Variants in SLC35F4 observed in about 807,000 individuals in gnomAD.
The protein encoded by SLC35F4 is solute carrier family 35 member F4, also known as chromosome 14 open reading frame 36.
In SLC35F4, 24 loss-of-function variants were observed where a neutral mutation model predicts 44.2. The observed-to-expected ratio is 0.54, with a 90% CI of 0.39 to 0.76. The LOEUF (loss-of-function observed/expected upper bound fraction) is 0.76, where lower values mean the gene tolerates loss of function less well. Ranked by LOEUF, SLC35F4 falls within the 30% of genes least tolerant of loss-of-function variation. SLC35F4 has a pLI of 0.00. For synonymous variants in SLC35F4, 238 were observed against 223.6 expected (o/e 1.06, Z -0.57); for missense variants, 562 against 586.1 (o/e 0.96, Z 0.42).
chr14:57,911,906 C>T (rs921123895), intron 1 of SLC35F4, among the ~76,000 whole-genome samples: 12 of 151,816 alleles, frequency 7.9e-5, no homozygotes, highest in African/African-American at 1.2e-4. Context: ...CACATCTGGG[C>T]CTAATGCTTT....
chr14:57,570,845 T>C (rs2068464202), intron 5 of SLC35F4, among the ~76,000 whole-genome samples: 1 of 149,848 alleles, frequency 6.7e-6, no homozygotes, highest in South Asian at 2.2e-4. Context: ...ACTGAACTAA[T>C]TTTTTTTTTC....
rs560893258 is a variant in SLC35F4, at chr14:57,586,503, G to T, written c.587+2713C>A. 1.1e-3 allele frequency among the ~76,000 whole-genome samples: 169 copies of T among 151,774 alleles called. 1 individual carries two copies. The highest frequency in any genetic ancestry group is 6.8e-3 in the Middle Eastern group (2 of 294). ...GAGGCCAAGGTGGGCAGATCACGAG[G>T]TCAAGAGATCCAGACCATCCTGGCT... On this transcript the variant is annotated intron_variant, in intron 3 of 7. Coordinates refer to ENST00000556826, the MANE Select transcript of SLC35F4 (RefSeq NM_001306087.2).
chr14:57,975,101 G>T (rs1001702311), downstream of SLC35F4, among the ~76,000 whole-genome samples: 8 of 152,268 alleles, frequency 5.3e-5, no homozygotes, highest in East Asian at 7.7e-4. Flanking sequence ...AAGCTCTCAG[G>T]TGCTTGTCCA....
At chr14:57,805,578 A>G (rs1881219927) in intron 1 of SLC35F4, among the ~76,000 whole-genome samples, 2 of 152,186 alleles carry the variant, frequency 1.3e-5, no homozygotes, top group African/African-American at 4.8e-5. Flanking sequence ...ATGAGAACAC[A>G]TGAACACATG....
chr14:57,632,559 C>A, intron 1 of SLC35F4, among the ~76,000 whole-genome samples: 1 of 151,902 alleles, frequency 6.6e-6, no homozygotes, highest in Non-Finnish European at 1.5e-5. Flanking sequence ...ATAATTCCTG[C>A]CCCCACACAT....
chr14:57,933,723 A>C (rs184169936), intron 1 of SLC35F4, among the ~76,000 whole-genome samples: 3 of 152,304 alleles, frequency 2.0e-5, no homozygotes, highest in Admixed American at 2.0e-4. Context: ...AATAGAACCA[A>C]ATGGGAAGAA....
At chr14:57,744,479 A>G (rs1167656018) in intron 1 of SLC35F4, among the ~76,000 whole-genome samples, 1 of 152,126 alleles carries the variant, frequency 6.6e-6, no homozygotes, top group African/African-American at 2.4e-5. Context: ...ATTCACAATA[A>G]CTTCAAAGAG....
chr14:57,862,186 T>C (rs1316142454), intron 1 of SLC35F4, among the ~76,000 whole-genome samples: 2 of 152,174 alleles, frequency 1.3e-5, no homozygotes, highest in African/African-American at 2.4e-5. Context: ...CCTATCTTTC[T>C]TACAGATACC....
At position 57,946,664 on chromosome 14, in the gene SLC35F4, T is replaced by C. The variant is rs575625514; in HGVS notation, n.282+35249A>G. Among the ~76,000 whole-genome samples, 68 of 151,676 alleles carry C rather than the reference T, an allele frequency of 4.5e-4. 1 individual carries two copies. In the South Asian group the frequency reaches 0.014, roughly 30 times the overall value. Reference sequence around the variant, plus strand: ...TAATTTTTTGTATTTTTAGTAGAGATAGGGTTTCACCATGTTGGCCAGGCT... The same window carrying C: ...TAATTTTTTGTATTTTTAGTAGAGACAGGGTTTCACCATGTTGGCCAGGCT... On this transcript the variant is annotated intron_variant and non_coding_transcript_variant, in intron 1 of 1. Coordinates refer to the SLC35F4 transcript ENST00000556568.
chr14:57,965,482 A>AAG (rs1295054029), intron 1 of SLC35F4, among the ~76,000 whole-genome samples: 1 of 152,196 alleles, frequency 6.6e-6, no homozygotes, highest in African/African-American at 2.4e-5. Context: ...TTTACATGTA[A>AAG]GATCACATAC....
At chr14:57,657,540 C>T (rs1398245237) in intron 1 of SLC35F4, among the ~76,000 whole-genome samples, 1 of 152,200 alleles carries the variant, frequency 6.6e-6, no homozygotes, top group Non-Finnish European at 1.5e-5. Flanking sequence ...ACCATGCATG[C>T]ATCATTTCCC....
chr14:57,762,223 G>A (rs1408735129), intron 1 of SLC35F4, among the ~76,000 whole-genome samples: 4 of 152,128 alleles, frequency 2.6e-5, no homozygotes, highest in Admixed American at 6.6e-5. Context: ...CTCTCCCAGT[G>A]ATAGATTCCC....
At chr14:57,760,428 G>C (rs1379360966) in intron 1 of SLC35F4, among the ~76,000 whole-genome samples, 2 of 151,934 alleles carry the variant, frequency 1.3e-5, no homozygotes, top group Non-Finnish European at 2.9e-5. Context: ...TTTTATTACT[G>C]TACCTTTATA....
intron 1 of SLC35F4, among the ~76,000 whole-genome samples, chr14:57,618,818 G>C (rs969074845): frequency 2.6e-5 from 4 of 152,216 alleles, no homozygotes; most frequent in Non-Finnish European, 5.9e-5. Flanking sequence ...CAGCACAGCA[G>C]TCTGAGGTGG....
At chr14:57,825,801 A>C (rs537121254) in intron 1 of SLC35F4, among the ~76,000 whole-genome samples, 9 of 152,302 alleles carry the variant, frequency 5.9e-5, no homozygotes, top group Admixed American at 5.9e-4. Context: ...CTAAGAATAC[A>C]GATAACAAGG....
chr14:57,653,354 A>G (rs747759407), intron 1 of SLC35F4, among the ~76,000 whole-genome samples: 2 of 152,298 alleles, frequency 1.3e-5, no homozygotes, highest in Middle Eastern at 3.4e-3. Flanking sequence ...ACTATTTCAA[A>G]GAGAAGACCC....
intron 1 of SLC35F4, among the ~76,000 whole-genome samples, chr14:57,776,831 G>A (rs950071196): frequency 6.6e-6 from 1 of 152,090 alleles, no homozygotes; most frequent in African/African-American, 2.4e-5. Flanking sequence ...TTCCAACCAA[G>A]GATTTCATAT....
At chr14:57,582,211 T>C (rs76727141) in intron 3 of SLC35F4, among the ~76,000 whole-genome samples, 1 of 144,690 alleles carries the variant, frequency 6.9e-6, no homozygotes, top group Non-Finnish European at 1.5e-5. Context: ...TGATTTTTTT[T>C]TTCCCCCTAG....
intron 6 of SLC35F4, 40 bp downstream of exon 6, chr14:57,569,748 T>C (rs765760671): frequency 6.0e-6 from 9 of 1,509,978 alleles, no homozygotes; most frequent in African/African-American, 1.4e-5. Context: ...CAAAGAAAGA[T>C]TGATATAGGG....
Sources: gnomAD v4.1 joint callset for allele counts (sites outside exome capture counted in the v4.1 genomes callset) on GRCh38, gnomAD v4.1.1 for gene constraint, MANE v1.5 for transcripts, NCBI Gene and HGNC (gene_info 2026-07-23, HGNC 2026-07-21) for gene names.